Variants in CDH12 observed in about 807,000 individuals in gnomAD.
The protein encoded by CDH12 is cadherin 12.
CDH12 carries 41 observed loss-of-function variants against 74.1 expected under a neutral mutation model. The observed-to-expected ratio is 0.55, with a 90% CI of 0.43 to 0.72. The LOEUF (loss-of-function observed/expected upper bound fraction) is 0.72. Ranked by LOEUF, CDH12 falls within the 30% of genes least tolerant of loss-of-function variation. The probability of loss-of-function intolerance (pLI) is 0.00; values close to 1 mark genes in which losing one functional copy is unlikely to be tolerated. For synonymous variants in CDH12, 399 were observed against 355.0 expected, an observed-to-expected ratio of 1.12 and a Z score of -1.39; for missense variants, 945 against 977.2, an observed-to-expected ratio of 0.97 and a Z score of 0.44.
intron 5 of CDH12, among the ~76,000 whole-genome samples, chr5:22,033,243 C>G (rs984765199): frequency 3.3e-5 from 5 of 152,050 alleles, no homozygotes; most frequent in African/African-American, 1.2e-4. Flanking sequence ...ATTATGTAGT[C>G]TCAGCATTAC....
intron 3 of CDH12, among the ~76,000 whole-genome samples, chr5:22,254,383 GA>G (rs1481443689): frequency 6.6e-6 from 1 of 151,830 alleles, no homozygotes; most frequent in African/African-American, 2.4e-5. Flanking sequence ...GCATATTAAT[GA>G]GTATAGTTTC....
At chr5:22,153,402 T>C (rs1050285383) in intron 4 of CDH12, among the ~76,000 whole-genome samples, 7 of 151,818 alleles carry the variant, frequency 4.6e-5, no homozygotes, top group African/African-American at 1.5e-4. Context: ...ATGTATTATC[T>C]AGGGTCTTAA....
At position 21,794,898 on chromosome 5, in the gene CDH12, T is replaced by C. The variant is rs555495518; in HGVS notation, c.1256+7269A>G. Among the ~76,000 whole-genome samples, 3 of 151,798 alleles carry C rather than the reference T, an allele frequency of 2.0e-5. No individual in the cohort carries two copies. The South Asian group carries it at 6.2e-4, about 31-fold the overall frequency. On this transcript the variant is annotated intron_variant, in intron 10 of 14. Transcript: ENST00000382254. ...ATTTTGTATAACTCTAATCAGCTTT[T>C]CTCATTTTACATTTTATTATTCAGT...
intron 3 of CDH12, among the ~76,000 whole-genome samples, chr5:22,300,622 T>A (rs1289097261): frequency 6.6e-6 from 1 of 152,208 alleles, no homozygotes; most frequent in African/African-American, 2.4e-5. Flanking sequence ...AAAGCTCAAC[T>A]CTCAATATAA....
Position 22,566,528 on chromosome 5 carries a change from G to A in CDH12, c.-522-61164C>T, listed in dbSNP as rs957076601. 1.6e-4 allele frequency among the ~76,000 whole-genome samples: 24 copies of A among 152,176 alleles called. No individual in the cohort carries two copies. In the South Asian group the frequency reaches 2.5e-3, roughly 16 times the overall value. ...GCTGGGATTACAGGTATGAGCCACC[G>A]CGCCCAGCTACTATGTGTCTTTTAA... On this transcript the variant is annotated intron_variant, in intron 1 of 14. Coordinates refer to ENST00000382254, the MANE Select transcript of CDH12 (RefSeq NM_004061.5).
intron 1 of CDH12, among the ~76,000 whole-genome samples, chr5:22,586,966 C>T (rs1740436527): frequency 6.6e-6 from 1 of 150,964 alleles, no homozygotes; most frequent in African/African-American, 2.4e-5. Flanking sequence ...CGTATCTCAG[C>T]CTTCCAAGTA....
intron 3 of CDH12, among the ~76,000 whole-genome samples, chr5:22,275,501 G>A (rs1180815287): frequency 6.6e-6 from 1 of 152,078 alleles, no homozygotes; most frequent in Non-Finnish European, 1.5e-5. Context: ...TTACTTAGCG[G>A]TAAAGAGAAG....
chr5:22,654,239 TCTTTCTTTCTTTCTCTTTCTTG>T (rs1017208988), intron 1 of CDH12, among the ~76,000 whole-genome samples: 3 of 150,588 alleles, frequency 2.0e-5, no homozygotes, highest in Non-Finnish European at 4.4e-5. Flanking sequence ...TTTCTTTGTT[TCTTTCTTTCTTTCTCTTTCTTG>T]CTTTCTTTCT....
At chr5:22,365,952 T>A (rs536158210) in intron 3 of CDH12, among the ~76,000 whole-genome samples, 1 of 152,214 alleles carries the variant, frequency 6.6e-6, no homozygotes, top group East Asian at 1.9e-4. Flanking sequence ...TCAGTCTATT[T>A]ATCTTTTTGT....
chr5:22,520,847 G>C (rs1401455317), intron 1 of CDH12, among the ~76,000 whole-genome samples: 1 of 152,054 alleles, frequency 6.6e-6, no homozygotes, highest in Non-Finnish European at 1.5e-5. Flanking sequence ...ATGTCAAAAG[G>C]ATCATACTTT....
At chr5:22,339,909 T>C (rs916644689) in intron 3 of CDH12, among the ~76,000 whole-genome samples, 1 of 152,202 alleles carries the variant, frequency 6.6e-6, no homozygotes, top group African/African-American at 2.4e-5. Context: ...TTCCTTAAAA[T>C]TTAAATTTAT....
chr5:22,238,094 A>G (rs1303829316), intron 3 of CDH12, among the ~76,000 whole-genome samples: 1 of 152,212 alleles, frequency 6.6e-6, no homozygotes, highest in African/African-American at 2.4e-5. Context: ...CCCTGTTCTG[A>G]ATGCCAACTC....
At chr5:21,969,288 C>A (rs1756726620) in intron 6 of CDH12, among the ~76,000 whole-genome samples, 1 of 152,038 alleles carries the variant, frequency 6.6e-6, no homozygotes, top group Non-Finnish European at 1.5e-5. Flanking sequence ...GAATATATTG[C>A]ATGACAGAGC....
chr5:22,797,783 A>C (rs1748304297), intron 1 of CDH12, among the ~76,000 whole-genome samples: 1 of 152,038 alleles, frequency 6.6e-6, no homozygotes. Context: ...ATTAAGAAAT[A>C]AAAATATCTG....
At chr5:22,735,502 T>C (rs1253641565) in intron 1 of CDH12, among the ~76,000 whole-genome samples, 1 of 151,918 alleles carries the variant, frequency 6.6e-6, no homozygotes, top group Non-Finnish European at 1.5e-5. Flanking sequence ...TTATATACTA[T>C]GCCATGGTAT....
intron 11 of CDH12, among the ~76,000 whole-genome samples, chr5:21,772,583 T>A (rs2149885161): frequency 6.6e-6 from 1 of 152,310 alleles, no homozygotes; most frequent in Admixed American, 6.5e-5. Context: ...CCAAATAGAA[T>A]CTTTGATACT....
At chr5:22,700,731 T>C (rs1451716021) in intron 1 of CDH12, among the ~76,000 whole-genome samples, 2 of 152,160 alleles carry the variant, frequency 1.3e-5, no homozygotes, top group Non-Finnish European at 2.9e-5. Flanking sequence ...GAAATGAAAA[T>C]CACCTAGATC....
At chr5:22,676,519 A>G (rs1741198260) in intron 1 of CDH12, among the ~76,000 whole-genome samples, 1 of 152,222 alleles carries the variant, frequency 6.6e-6, no homozygotes, top group Non-Finnish European at 1.5e-5. Context: ...TGCTTACTCA[A>G]TAAAGAACAT....
At chr5:22,590,533 T>G (rs934900726) in intron 1 of CDH12, among the ~76,000 whole-genome samples, 1 of 152,154 alleles carries the variant, frequency 6.6e-6, no homozygotes, top group Non-Finnish European at 1.5e-5. Context: ...TTTTCTTTCC[T>G]CATTAAATAC....
Sources: gnomAD v4.1 joint callset for allele counts (sites outside exome capture counted in the v4.1 genomes callset) on GRCh38, gnomAD v4.1.1 for gene constraint, MANE v1.5 for transcripts, NCBI Gene and HGNC (gene_info 2026-07-23, HGNC 2026-07-21) for gene names.